Variants in TTC28 observed in about 807,000 individuals in gnomAD.
TTC28 encodes tetratricopeptide repeat protein 28.
TTC28 carries 61 observed loss-of-function variants against 198.0 expected under a neutral mutation model. The ratio of observed to expected loss-of-function variants is 0.31; its 90% CI spans 0.25 to 0.38. TTC28 has a LOEUF of 0.38. Ranked by LOEUF, TTC28 falls within the 10% of genes least tolerant of loss-of-function variation. The pLI, the probability that TTC28 is intolerant of heterozygous loss-of-function variation, is 1.00. For synonymous variants in TTC28, 1,171 were observed against 1,297.8 expected (o/e 0.90, Z 2.10); for missense variants, 2,678 against 3,164.0 (o/e 0.85, Z 3.69).
At chr22:28,576,821 T>C (rs1457780139) in intron 2 of TTC28, among the ~76,000 whole-genome samples, 1 of 152,110 alleles carries the variant, frequency 6.6e-6, no homozygotes, top group African/African-American at 2.4e-5. Context: ...CAGTATCAGA[T>C]GTAATGTCTC....
chr22:28,446,468 C>T (rs950004703), intron 2 of TTC28, among the ~76,000 whole-genome samples: 3 of 152,084 alleles, frequency 2.0e-5, no homozygotes, highest in Non-Finnish European at 2.9e-5. Flanking sequence ...GTGGGAGGTT[C>T]GGATCATGGG....
chr22:28,578,221 T>C (rs1241697494), intron 2 of TTC28, among the ~76,000 whole-genome samples: 1 of 152,108 alleles, frequency 6.6e-6, no homozygotes, highest in Non-Finnish European at 1.5e-5. Context: ...TGCATGAACA[T>C]ACAAATAAAT....
intron 2 of TTC28, among the ~76,000 whole-genome samples, chr22:28,452,466 G>A (rs1468706261): frequency 1.3e-5 from 2 of 151,174 alleles, no homozygotes; most frequent in African/African-American, 2.4e-5. Flanking sequence ...GGGAAAGTGG[G>A]TCTTTTCTTA....
Position 27,983,270 on chromosome 22 carries a change from T to C in TTC28, c.6397A>G (p.Thr2133Ala). Residue 2133 changes from threonine (T) to alanine (A), a missense_variant, in exon 23 of 23, where the codon ACA (threonine) becomes GCA (alanine). Around this residue, in one of 8 missense-constraint regions of TTC28, gnomAD observed 622 missense variants for 656.0 expected, o/e 0.95. Coordinates refer to ENST00000397906, the MANE Select transcript of TTC28 (RefSeq NM_001145418.2). ...QKVGKLASSD[T>A]GESDQSSTET... ...GTGCTAGACTGGTCTGATTCTCCTGTATCTGAGCTTGCTAGTTTTCCCACC... is the reference window on the plus strand; with the variant it reads ...GTGCTAGACTGGTCTGATTCTCCTGCATCTGAGCTTGCTAGTTTTCCCACC... The C allele has an allele frequency of 6.4e-7, 1 of 1,552,052 alleles. No individual in the cohort carries two copies. The highest frequency in any genetic ancestry group is 2.4e-5 in the East Asian group (1 of 40,904).
In TTC28 at chr22:28,604,848, T is replaced by C. The variant is rs1188165666; in HGVS notation, c.381+24704A>G. Among the ~76,000 whole-genome samples the C allele has an allele frequency of 2.6e-5, 4 of 152,212 alleles. No homozygotes were observed. The East Asian group carries it at 5.8e-4, about 22-fold the overall frequency. On this transcript the variant is annotated intron_variant, in intron 2 of 22. Coordinates refer to ENST00000397906, the MANE Select transcript of TTC28 (RefSeq NM_001145418.2). ...AAAAGTTGTGTCCTGATACATTTTATATATCACCCACAAAGCGCCTATCTA... is the reference window on the plus strand; with the variant it reads ...AAAAGTTGTGTCCTGATACATTTTACATATCACCCACAAAGCGCCTATCTA...
intron 12 of TTC28, among the ~76,000 whole-genome samples, chr22:28,037,089 T>C (rs774208338): frequency 1.7e-4 from 26 of 152,242 alleles, no homozygotes; most frequent in African/African-American, 6.3e-4. Context: ...ACCAGAGGCA[T>C]AAGGAGGAGC....
chr22:28,669,568 G>C (rs1188097156), intron 1 of TTC28, among the ~76,000 whole-genome samples: 1 of 152,158 alleles, frequency 6.6e-6, no homozygotes, highest in Admixed American at 6.6e-5. Flanking sequence ...ACTGGTCAAA[G>C]GGAAGATCTT....
intron 6 of TTC28, among the ~76,000 whole-genome samples, chr22:28,114,753 A>G (rs1942587804): frequency 6.6e-6 from 1 of 151,878 alleles, no homozygotes; most frequent in Non-Finnish European, 1.5e-5. Context: ...CTAATGTTTA[A>G]TTAATTAATT....
chr22:28,600,333 A>C (rs2050619077), intron 2 of TTC28, among the ~76,000 whole-genome samples: 1 of 152,174 alleles, frequency 6.6e-6, no homozygotes, highest in Non-Finnish European at 1.5e-5. Flanking sequence ...TGAGCCCAGG[A>C]GGTTGAGGCT....
rs571679432 is a variant in TTC28 at position 28,630,289 on chromosome 22, T to TC, written c.103-460_103-459insG. 1.1e-4 allele frequency among the ~76,000 whole-genome samples: 17 copies of TC among 152,252 alleles called. No homozygotes were observed. In the South Asian group the frequency reaches 3.5e-3, roughly 32 times the overall value. On this transcript the variant is annotated intron_variant, in intron 1 of 22. Coordinates refer to ENST00000397906, the MANE Select transcript of TTC28 (RefSeq NM_001145418.2). ...TACTCAGCCTCAGGTATTTATTTTT[T>TC]ACTCTTATTTTTTTTCAGATGAGGT...
At chr22:28,133,884 T>G (rs560395810) in intron 6 of TTC28, among the ~76,000 whole-genome samples, 12 of 152,298 alleles carry the variant, frequency 7.9e-5, no homozygotes, top group South Asian at 2.1e-4. Flanking sequence ...GCACGCAGCT[T>G]GAGATCTGAG....
At position 28,446,389 on chromosome 22, in the gene TTC28, T is replaced by C. The variant is rs547942975; in HGVS notation, c.382-139746A>G. Among the ~76,000 whole-genome samples the C allele has an allele frequency of 6.6e-5, 10 of 152,254 alleles. No homozygotes were observed. In the East Asian group the frequency reaches 1.4e-3, roughly 21 times the overall value. On this transcript the variant is annotated intron_variant, in intron 2 of 22. Coordinates refer to ENST00000397906, the MANE Select transcript of TTC28 (RefSeq NM_001145418.2). Reference sequence around the variant, plus strand: ...TGGGAATGCTGACTGTAAGGCGATATAGTTTGAATGTTTATCCCCTCCAAA... The same window carrying C: ...TGGGAATGCTGACTGTAAGGCGATACAGTTTGAATGTTTATCCCCTCCAAA...
chr22:28,031,119 A>C (rs1939056951), intron 12 of TTC28, among the ~76,000 whole-genome samples: 1 of 152,242 alleles, frequency 6.6e-6, no homozygotes, highest in Non-Finnish European at 1.5e-5. Context: ...CATGATTAAA[A>C]TGGCAAAAGG....
chr22:28,552,239 AACAAATGGAAAC>A (rs1175477003), intron 2 of TTC28, among the ~76,000 whole-genome samples: 2 of 152,212 alleles, frequency 1.3e-5, no homozygotes, highest in African/African-American at 4.8e-5. Context: ...AGATGACACA[AACAAATGGAAAC>A]ACAACCCATG....
chr22:28,133,801 A>C (rs1375543239), intron 6 of TTC28, among the ~76,000 whole-genome samples: 1 of 152,222 alleles, frequency 6.6e-6, no homozygotes, highest in African/African-American at 2.4e-5. Context: ...ATAGCCAAAC[A>C]AAAGGCAGCA....
chr22:28,054,322 G>T (rs1253448773), intron 12 of TTC28, among the ~76,000 whole-genome samples: 1 of 152,196 alleles, frequency 6.6e-6, no homozygotes, highest in Non-Finnish European at 1.5e-5. Context: ...TCAGGCCGAG[G>T]CAGTGCCAAT....
At position 28,264,556 on chromosome 22, in the gene TTC28, G is replaced by C. The variant is rs371032314; in HGVS notation, c.933+31642C>G. ...GAGAAGAAAGGATATTTGGAAGAGA[G>C]AGATACATAGATATTTCATACATAT... On this transcript the variant is annotated intron_variant, in intron 5 of 22. Coordinates refer to ENST00000397906, the MANE Select transcript of TTC28 (RefSeq NM_001145418.2). 2.5e-4 allele frequency among the ~76,000 whole-genome samples: 38 copies of C among 152,302 alleles called. 2 individuals are homozygous for C. The highest frequency in any genetic ancestry group is 1.9e-3 in the East Asian group (10 of 5,182).
chr22:28,073,867 AC>A (rs1471675549), intron 12 of TTC28, among the ~76,000 whole-genome samples: 1 of 152,176 alleles, frequency 6.6e-6, no homozygotes, highest in African/African-American at 2.4e-5. Context: ...AAAAAACAGA[AC>A]CACCCCAGTT....
intron 2 of TTC28, among the ~76,000 whole-genome samples, chr22:28,561,570 A>C (rs2049881313): frequency 6.6e-6 from 1 of 152,206 alleles, no homozygotes; most frequent in South Asian, 2.1e-4. Flanking sequence ...TATTTAATAG[A>C]TATAATGTCA....
Sources: gnomAD v4.1 joint callset for allele counts (sites outside exome capture counted in the v4.1 genomes callset) on GRCh38, gnomAD v4.1.1 for gene constraint, gnomAD v4.1.1 regional missense constraint, MANE v1.5 for transcripts, NCBI Gene and HGNC (gene_info 2026-07-23, HGNC 2026-07-21) for gene names.